The following SNX29 variants were observed in gnomAD, a reference collection of about 807,000 sequenced individuals.
SNX29 encodes sorting nexin 29.
A neutral mutation model predicts 102.1 loss-of-function variants in SNX29; 78 were observed. That is an observed-to-expected ratio of 0.76 (90% confidence interval 0.64 to 0.92). The LOEUF (loss-of-function observed/expected upper bound fraction) is 0.92, where lower values mean the gene tolerates loss of function less well. Ranked by LOEUF, SNX29 falls within the 40% of genes least tolerant of loss-of-function variation. The pLI is 0.00. For synonymous variants in SNX29, 580 were observed against 414.5 expected (o/e 1.40, Z -4.85); for missense variants, 1,280 against 1,061.7 (o/e 1.21, Z -2.86).
chr16:12,278,150 C>A (rs2079314749), intron 15 of SNX29, 114 bp downstream of exon 15: 4 of 803,534 alleles, frequency 5.0e-6, no homozygotes, highest in Non-Finnish European at 8.2e-6. Context: ...CAAGCAACTC[C>A]TCAGCCCCAC....
chr16:12,062,420 A>ATAAC (rs1482977143), intron 9 of SNX29, among the ~76,000 whole-genome samples: 3 of 150,276 alleles, frequency 2.0e-5, no homozygotes, highest in Non-Finnish European at 4.4e-5. Context: ...AAATAAATAA[A>ATAAC]TATGTCTCTG....
At chr16:12,507,105 C>T (rs929595227) in intron 19 of SNX29, among the ~76,000 whole-genome samples, 1 of 152,220 alleles carries the variant, frequency 6.6e-6, no homozygotes, top group Non-Finnish European at 1.5e-5. Flanking sequence ...GTGTTGGGCA[C>T]TGCAACTATT....
chr16:12,151,055 A>G (rs1486398173), intron 13 of SNX29, among the ~76,000 whole-genome samples: 1 of 152,166 alleles, frequency 6.6e-6, no homozygotes, highest in Non-Finnish European at 1.5e-5. Context: ...TTATTTAAAA[A>G]TTTTTAAATT....
intron 8 of SNX29, among the ~76,000 whole-genome samples, chr16:12,057,790 CATACAT>C (rs748626716): frequency 2.0e-5 from 3 of 149,642 alleles, no homozygotes; most frequent in Admixed American, 6.7e-5. Context: ...TACATATATA[CATACAT>C]ATACATATAT....
intron 14 of SNX29, among the ~76,000 whole-genome samples, chr16:12,212,624 C>T (rs1316342342): frequency 6.6e-6 from 1 of 151,940 alleles, no homozygotes; most frequent in Non-Finnish European, 1.5e-5. Flanking sequence ...GTTTGTAGGC[C>T]GTTTGTATAT....
intron 20 of SNX29, among the ~76,000 whole-genome samples, chr16:12,553,339 G>C (rs569716333): frequency 1.3e-5 from 2 of 152,200 alleles, no homozygotes; most frequent in African/African-American, 4.8e-5. Flanking sequence ...GGCAGGCAGA[G>C]AAACCAGCTC....
chr16:12,443,533 A>G (rs2085904887), intron 18 of SNX29, among the ~76,000 whole-genome samples: 1 of 152,046 alleles, frequency 6.6e-6, no homozygotes, highest in African/African-American at 2.4e-5. Context: ...GTTCACTACA[A>G]TCTCTGCCTC....
rs113993775 is a variant in SNX29, at chr16:12,390,880, T to TA, written c.1900-7551dup. ...GCTGACTCAAGTCTTGTTCAGTCTT[T>TA]AAAAAAAAAAAAAAAGAAAAGAAAA... On this transcript the variant is annotated intron_variant, in intron 16 of 20. Coordinates refer to ENST00000566228, the MANE Select transcript of SNX29 (RefSeq NM_032167.5). Among the ~76,000 whole-genome samples, 1,096 of 135,430 alleles carry TA rather than the reference T, an allele frequency of 8.1e-3. 11 individuals are homozygous for TA. The highest frequency in any genetic ancestry group is 0.021 in the African/African-American group (768 of 36,714). 88.8% of individuals were successfully genotyped at this position (135,430 alleles called of 152,430 possible).
At chr16:12,285,511 A>G (rs2079567142) in intron 15 of SNX29, among the ~76,000 whole-genome samples, 1 of 152,210 alleles carries the variant, frequency 6.6e-6, no homozygotes, top group Non-Finnish European at 1.5e-5. Flanking sequence ...CAGAGTCGCT[A>G]TTAATGGAAA....
At chr16:12,462,737 T>C (rs2086862718) in intron 18 of SNX29, among the ~76,000 whole-genome samples, 1 of 152,178 alleles carries the variant, frequency 6.6e-6, no homozygotes, top group Admixed American at 6.5e-5. Flanking sequence ...TGGCAGGTGT[T>C]TGTATCTATG....
intron 11 of SNX29, among the ~76,000 whole-genome samples, chr16:12,093,100 A>T (rs986068815): frequency 6.6e-6 from 1 of 152,178 alleles, no homozygotes. Flanking sequence ...GTGAAAGGCA[A>T]ATGTCACCTT....
chr16:11,977,172 C>T, intron 1 of SNX29: 1 of 275,258 alleles, frequency 3.6e-6, no homozygotes, highest in Non-Finnish European at 6.7e-6. Context: ...AGACCCGCTG[C>T]GTCCCAGCTC....
At chr16:12,337,136 C>A (rs2081475791) in intron 15 of SNX29, among the ~76,000 whole-genome samples, 1 of 152,154 alleles carries the variant, frequency 6.6e-6, no homozygotes, top group Admixed American at 6.5e-5. Flanking sequence ...AAGCATGTCA[C>A]CTTCTGAAGG....
chr16:12,048,645 C>T lies in SNX29; in HGVS notation c.748+25C>T, dbSNP rs758684080. 1.6e-5 allele frequency: 26 copies of T among 1,613,746 alleles called. No individual in the cohort carries two copies. The highest frequency in any genetic ancestry group is 6.7e-5 in the Admixed American group (4 of 59,970). On this transcript the variant is annotated intron_variant, in intron 7 of 20. Coordinates refer to ENST00000566228, the MANE Select transcript of SNX29 (RefSeq NM_032167.5). ...GGTGAGTGGGAACGGGTGCTCGAGGCGGAGCAGAGGGAATCAGAATGTGGC... is the reference window on the plus strand; with the variant it reads ...GGTGAGTGGGAACGGGTGCTCGAGGTGGAGCAGAGGGAATCAGAATGTGGC...
At position 12,572,432 on chromosome 16, in the gene SNX29, G is replaced by A. The variant is rs2079206611; in HGVS notation, c.*3803G>A. The A allele has an allele frequency of 2.8e-6, 3 of 1,063,254 alleles. No individual in the cohort carries two copies. Among genetic ancestry groups the A allele is most frequent in the South Asian group, 4.6e-5 (1 of 21,974 alleles). The allele number at this position is 1,063,254 out of a possible 1,614,324, so 65.9% of individuals were successfully genotyped here. Reference sequence around the variant, plus strand: ...TCTGTGGCCCAGGCCGGCAGTGGCTGCCTCTCTTGGTTCTGCATGGTACAT... The same window carrying A: ...TCTGTGGCCCAGGCCGGCAGTGGCTACCTCTCTTGGTTCTGCATGGTACAT... On this transcript the variant is annotated 3_prime_UTR_variant, in exon 21 of 21. Transcript: ENST00000566228.
chr16:12,541,346 T>A (rs1280919054), intron 20 of SNX29, among the ~76,000 whole-genome samples: 1 of 152,174 alleles, frequency 6.6e-6, no homozygotes, highest in African/African-American at 2.4e-5. Flanking sequence ...ATTACCTTCT[T>A]CATTCTTCAC....
intron 19 of SNX29, among the ~76,000 whole-genome samples, chr16:12,522,092 C>T (rs2090122245): frequency 1.3e-5 from 2 of 152,184 alleles, no homozygotes; most frequent in African/African-American, 4.8e-5. Context: ...CTCCACGCTT[C>T]CATCTCCCAC....
rs557809783 is a variant in SNX29, at chr16:12,125,993, C to T, written c.1403-640C>T. 8.5e-5 allele frequency among the ~76,000 whole-genome samples: 13 copies of T among 152,234 alleles called. No homozygotes were observed. In the East Asian group the frequency reaches 2.3e-3, roughly 27 times the overall value. On this transcript the variant is annotated intron_variant, in intron 11 of 20. Coordinates refer to ENST00000566228, the MANE Select transcript of SNX29 (RefSeq NM_032167.5). The stretch of plus-strand genomic sequence containing the variant: ...GTCTGGGGCTGATTTCCCATATTGC[C>T]GGTGGTGATCTTGTTTCACACTTCA...
At chr16:12,510,732 C>T (rs896548591) in intron 19 of SNX29, among the ~76,000 whole-genome samples, 2 of 152,058 alleles carry the variant, frequency 1.3e-5, no homozygotes, top group African/African-American at 4.8e-5. Context: ...TCTCCTCCCC[C>T]ACCCCCCAGC....
Sources: allele counts gnomAD v4.1 joint callset (sites outside exome capture counted in the v4.1 genomes callset), GRCh38; gene constraint gnomAD v4.1.1; transcripts MANE v1.5; gene names NCBI Gene and HGNC (gene_info 2026-07-23, HGNC 2026-07-21).